Variants in FBXL7 observed in about 807,000 individuals in gnomAD.
FBXL7 encodes the protein F-box and leucine rich repeat protein 7.
FBXL7 carries 12 observed loss-of-function variants against 38.3 expected under a neutral mutation model. The observed-to-expected ratio is 0.31, with a 90% CI of 0.20 to 0.51. The LOEUF (loss-of-function observed/expected upper bound fraction) is 0.51. FBXL7 is among the 20% of genes least tolerant of loss of function. The pLI is 0.98. For synonymous variants in FBXL7, 297 were observed against 300.9 expected (o/e 0.99, Z 0.13); for missense variants, 567 against 676.4 (o/e 0.84, Z 1.79).
chr5:15,716,349 A>G (rs1744044146), intron 2 of FBXL7, among the ~76,000 whole-genome samples: 1 of 152,208 alleles, frequency 6.6e-6, no homozygotes, highest in Non-Finnish European at 1.5e-5. Flanking sequence ...GACCCGTAAC[A>G]TTTGTATGAA....
At position 15,939,111 on chromosome 5, in the gene FBXL7, C is replaced by A. The variant is rs1278341279; in HGVS notation, c.*1925C>A. The A allele has an allele frequency of 5.0e-6, 2 of 398,804 alleles. No homozygotes were observed. The highest frequency in any genetic ancestry group is 4.1e-5 in the African/African-American group (2 of 48,600). The allele number at this position is 398,804 out of a possible 1,614,324, so 24.7% of individuals were successfully genotyped here. On this transcript the variant is annotated 3_prime_UTR_variant, in exon 4 of 4. Coordinates refer to ENST00000504595, the MANE Select transcript of FBXL7 (RefSeq NM_012304.5). Reference sequence around the variant, plus strand: ...TTAGTGTGATGAGGTGGTGTCTGCCCAGGAGGTTTCTTTCAAACATCATGG... The same window carrying A: ...TTAGTGTGATGAGGTGGTGTCTGCCAAGGAGGTTTCTTTCAAACATCATGG...
At chr5:15,680,451 A>G (rs1026433642) in intron 2 of FBXL7, among the ~76,000 whole-genome samples, 4 of 152,158 alleles carry the variant, frequency 2.6e-5, no homozygotes, top group African/African-American at 7.2e-5. Context: ...AAATTTATCT[A>G]GTTTCACCTT....
intron 2 of FBXL7, among the ~76,000 whole-genome samples, chr5:15,920,336 C>T (rs1368547249): frequency 2.0e-5 from 3 of 152,170 alleles, no homozygotes; most frequent in Non-Finnish European, 4.4e-5. Context: ...ACTTGGGCAG[C>T]AGTAACAATG....
intron 2 of FBXL7, among the ~76,000 whole-genome samples, chr5:15,781,448 T>TGC (rs753233530): frequency 0.021 from 3,223 of 151,536 alleles, 85 homozygotes; most frequent in East Asian, 0.065. Flanking sequence ...TGTGTGTGTG[T>TGC]GCGCGCGCGT....
At chr5:15,870,957 C>T (rs1739930163) in intron 2 of FBXL7, among the ~76,000 whole-genome samples, 1 of 152,250 alleles carries the variant, frequency 6.6e-6, no homozygotes, top group African/African-American at 2.4e-5. Flanking sequence ...CGTTCAAGCT[C>T]TGCTAAGGGA....
intron 2 of FBXL7, among the ~76,000 whole-genome samples, chr5:15,825,407 A>G (rs1026840054): frequency 8.5e-5 from 13 of 152,190 alleles, no homozygotes; most frequent in Admixed American, 7.2e-4. Context: ...TATGGAATAT[A>G]AGGTCTCAAT....
At chr5:15,512,859 G>T (rs1736838567) in intron 1 of FBXL7, among the ~76,000 whole-genome samples, 1 of 152,034 alleles carries the variant, frequency 6.6e-6, no homozygotes, top group Non-Finnish European at 1.5e-5. Flanking sequence ...TGGAAATTGG[G>T]TTTATATGGA....
chr5:15,788,681 T>A (rs1291245411), intron 2 of FBXL7, among the ~76,000 whole-genome samples: 2 of 151,588 alleles, frequency 1.3e-5, no homozygotes, highest in Non-Finnish European at 2.9e-5. Flanking sequence ...GCTCCTGGCT[T>A]CAAGGGCACC....
rs1738048275 is a variant in FBXL7, at chr5:15,817,449, A to G, written c.128-110441A>G. 3.9e-5 allele frequency among the ~76,000 whole-genome samples: 6 copies of G among 152,172 alleles called. No homozygotes were observed. In the South Asian group the frequency reaches 1.2e-3, roughly 31 times the overall value. On this transcript the variant is annotated intron_variant, in intron 2 of 3. Transcript: ENST00000504595. Reference sequence around the variant, plus strand: ...GTGATGATCAAATAGGTGAGAAATTATAGGCTGGGATTTAGAGATTGGATA... The same window carrying G: ...GTGATGATCAAATAGGTGAGAAATTGTAGGCTGGGATTTAGAGATTGGATA...
intron 1 of FBXL7, among the ~76,000 whole-genome samples, chr5:15,508,694 T>C (rs1736712647): frequency 6.6e-6 from 1 of 152,212 alleles, no homozygotes; most frequent in Non-Finnish European, 1.5e-5. Context: ...GTCATGCTGC[T>C]ACTTTTTCTC....
chr5:15,591,704 CTCTTA>C (rs1409358200), intron 1 of FBXL7, among the ~76,000 whole-genome samples: 2 of 151,642 alleles, frequency 1.3e-5, no homozygotes, highest in African/African-American at 4.8e-5. Context: ...TAAGGTTGGC[CTCTTA>C]TTATTTATTT....
At chr5:15,767,238 C>T (rs936535802) in intron 2 of FBXL7, among the ~76,000 whole-genome samples, 4 of 151,842 alleles carry the variant, frequency 2.6e-5, no homozygotes, top group Admixed American at 2.0e-4. Flanking sequence ...TCAGCTCTCA[C>T]TTGTAAGTGA....
chr5:15,877,775 C>T lies in FBXL7; in HGVS notation c.128-50115C>T, dbSNP rs191862886. Among the ~76,000 whole-genome samples the T allele has an allele frequency of 5.3e-3, 808 of 152,162 alleles. 7 individuals are homozygous for T. The highest frequency in any genetic ancestry group is 5.2e-3 in the Non-Finnish European group (356 of 67,998). On this transcript the variant is annotated intron_variant, in intron 2 of 3. Transcript: ENST00000504595. Reference sequence around the variant, plus strand: ...ACTCATAATGCTTTCTAAATTTTTGCGGGTCTGATCACCTGTTTGCTAAAG... The same window carrying T: ...ACTCATAATGCTTTCTAAATTTTTGTGGGTCTGATCACCTGTTTGCTAAAG...
chr5:15,789,384 A>G (rs759666411), intron 2 of FBXL7, among the ~76,000 whole-genome samples: 12 of 152,178 alleles, frequency 7.9e-5, no homozygotes, highest in Non-Finnish European at 1.2e-4. Context: ...AGATAGTTTA[A>G]GACTATTACC....
chr5:15,936,752 C>G lies in FBXL7; in HGVS notation c.1042C>G (p.Leu348Val). 1 of 1,609,962 alleles carries G rather than the reference C, an allele frequency of 6.2e-7. No homozygotes were observed. The highest frequency in any genetic ancestry group is 8.5e-7 in the Non-Finnish European group (1 of 1,179,254). Residue 348 changes from leucine (L) to valine (V), a missense_variant, in exon 4 of 4, where the codon CTG (leucine) becomes GTG (valine). Coordinates refer to ENST00000504595, the MANE Select transcript of FBXL7 (RefSeq NM_012304.5). The surrounding 1 kb of genome is among the most constrained non-coding windows in gnomAD (Gnocchi z 6.0). Reference sequence around the variant, plus strand: ...CTTCGGCCTGCGGGAGATCGCCAAGCTGGAGTCCCGCCTGCGGTACCTGAG... The same window carrying G: ...CTTCGGCCTGCGGGAGATCGCCAAGGTGGAGTCCCGCCTGCGGTACCTGAG... Reference protein sequence around the residue: ...SDFGLREIAKLESRLRYLSIA... With the variant: ...SDFGLREIAKVESRLRYLSIA...
chr5:15,872,671 T>C (rs1740017786), intron 2 of FBXL7, among the ~76,000 whole-genome samples: 1 of 151,674 alleles, frequency 6.6e-6, no homozygotes, highest in Non-Finnish European at 1.5e-5. Flanking sequence ...CCAACAAAGA[T>C]CAAAAAAGAC....
chr5:15,801,439 G>A (rs1045050740), intron 2 of FBXL7, among the ~76,000 whole-genome samples: 2 of 152,158 alleles, frequency 1.3e-5, no homozygotes, highest in Admixed American at 6.5e-5. Flanking sequence ...AAAGTCATTG[G>A]GTCAAAAGTG....
intron 1 of FBXL7, among the ~76,000 whole-genome samples, chr5:15,578,056 A>G (rs1739025768): frequency 6.6e-6 from 1 of 152,166 alleles, no homozygotes; most frequent in Non-Finnish European, 1.5e-5. Flanking sequence ...ACACAGGGCT[A>G]TGCAGGTGTT....
chr5:15,895,350 TA>T (rs1276051061), intron 2 of FBXL7, among the ~76,000 whole-genome samples: 1 of 152,202 alleles, frequency 6.6e-6, no homozygotes, highest in Non-Finnish European at 1.5e-5. Flanking sequence ...AAACTTTTTT[TA>T]ATCTAGTTAA....
Sources: allele counts gnomAD v4.1 joint callset (sites outside exome capture counted in the v4.1 genomes callset), GRCh38; gene constraint gnomAD v4.1.1; non-coding constraint Gnocchi (gnomAD v3.1); transcripts MANE v1.5; gene names NCBI Gene and HGNC (gene_info 2026-07-23, HGNC 2026-07-21).